Variants in ROR1 observed in about 807,000 individuals in gnomAD.
The protein encoded by ROR1 is inactive tyrosine-protein kinase transmembrane receptor ROR1.
ROR1 carries 19 observed loss-of-function variants against 78.8 expected under a neutral mutation model. That is an observed-to-expected ratio of 0.24 (90% CI 0.17 to 0.35). The LOEUF is 0.35. Among genes scored for constraint, ROR1 ranks in the 10% least tolerant of loss-of-function variants. The pLI is 1.00. For missense variants in ROR1, 917 were observed against 1,177.8 expected (o/e 0.78, Z 3.24); for synonymous variants, 386 against 433.6 (o/e 0.89, Z 1.36).
intron 4 of ROR1, among the ~76,000 whole-genome samples, chr1:64,056,324 C>T (rs901601646): frequency 4.6e-5 from 7 of 151,566 alleles, no homozygotes; most frequent in Non-Finnish European, 1.0e-4. Context: ...TCTCCACATG[C>T]TCTCCAACAC....
intron 2 of ROR1, among the ~76,000 whole-genome samples, chr1:64,033,720 C>G (rs1646679028): frequency 6.6e-6 from 1 of 152,160 alleles, no homozygotes; most frequent in Non-Finnish European, 1.5e-5. Context: ...CTTAAGAACA[C>G]TAACTCATTT....
chr1:63,892,095 A>G (rs1447121656), intron 1 of ROR1, among the ~76,000 whole-genome samples: 2 of 152,216 alleles, frequency 1.3e-5, no homozygotes, highest in African/African-American at 4.8e-5. Flanking sequence ...TTAATTCAAT[A>G]AGCATTCATT....
chr1:64,019,170 A>G (rs1274324239), intron 2 of ROR1, among the ~76,000 whole-genome samples: 1 of 152,206 alleles, frequency 6.6e-6, no homozygotes, highest in African/African-American at 2.4e-5. Context: ...ACTGCTTTAG[A>G]GTTCTTCTAG....
At chr1:64,027,316 C>T (rs576367329) in intron 2 of ROR1, among the ~76,000 whole-genome samples, 12 of 152,196 alleles carry the variant, frequency 7.9e-5, no homozygotes, top group Non-Finnish European at 1.8e-4. Context: ...CTGGAGTGAG[C>T]ACAGAATACT....
At chr1:63,786,940 G>A (rs539334415) in intron 1 of ROR1, among the ~76,000 whole-genome samples, 1 of 152,134 alleles carries the variant, frequency 6.6e-6, no homozygotes, top group African/African-American at 2.4e-5. Flanking sequence ...GAGAAATATG[G>A]CAATATCCTC....
At chr1:64,114,150 G>A (rs1248396915) in intron 4 of ROR1, among the ~76,000 whole-genome samples, 1 of 152,080 alleles carries the variant, frequency 6.6e-6, no homozygotes, top group Non-Finnish European at 1.5e-5. Context: ...AGAGTAGAAA[G>A]CCCAAGCTGA....
intron 1 of ROR1, among the ~76,000 whole-genome samples, chr1:63,785,613 C>T (rs373563542): frequency 6.6e-6 from 1 of 151,912 alleles, no homozygotes; most frequent in Non-Finnish European, 1.5e-5. Context: ...ACTTCTGCCT[C>T]CTGGGTTTTT....
intron 1 of ROR1, among the ~76,000 whole-genome samples, chr1:63,985,971 AAG>A (rs145415786): frequency 1.2e-4 from 19 of 152,258 alleles, no homozygotes; most frequent in African/African-American, 4.3e-4. Flanking sequence ...GGGATGTTAC[AAG>A]GCCTTCAGAA....
At position 63,952,356 on chromosome 1, in the gene ROR1, A is replaced by G. The variant is rs1208129091; in HGVS notation, c.92-56949A>G. 3.2e-4 allele frequency among the ~76,000 whole-genome samples: 48 copies of G among 152,148 alleles called. 1 individual carries two copies. Among genetic ancestry groups the G allele is most frequent in the Admixed American group, 3.1e-3 (48 of 15,282 alleles). ...AGGTGATGGAGGACCTAGGTAAGGA[A>G]TTTGGATTTCATTCTATGAGCTGTG... On this transcript the variant is annotated intron_variant, in intron 1 of 8. Transcript: ENST00000371079.
intron 1 of ROR1, among the ~76,000 whole-genome samples, chr1:63,891,568 C>T (rs566656463): frequency 3.3e-5 from 5 of 152,252 alleles, no homozygotes; most frequent in Admixed American, 6.5e-5. Flanking sequence ...AGCATTATTT[C>T]TGGGTGTGCC....
intron 1 of ROR1, among the ~76,000 whole-genome samples, chr1:63,791,314 G>A (rs1644724564): frequency 6.6e-6 from 1 of 152,116 alleles, no homozygotes; most frequent in Non-Finnish European, 1.5e-5. Flanking sequence ...TAGAGTGCTG[G>A]AGACAGAATC....
chr1:63,779,222 T>G (rs1227534920), intron 1 of ROR1, among the ~76,000 whole-genome samples: 1 of 152,204 alleles, frequency 6.6e-6, no homozygotes, highest in African/African-American at 2.4e-5. Flanking sequence ...ATAAGCTATA[T>G]TTTGATGAAG....
chr1:63,800,529 G>T (rs975660332), intron 1 of ROR1, among the ~76,000 whole-genome samples: 1 of 152,084 alleles, frequency 6.6e-6, no homozygotes, highest in Non-Finnish European at 1.5e-5. Context: ...AGCTGGGGAG[G>T]CAGAAAAGGC....
intron 1 of ROR1, among the ~76,000 whole-genome samples, chr1:63,974,347 GA>G (rs1225036809): frequency 6.6e-6 from 1 of 151,700 alleles, no homozygotes; most frequent in Non-Finnish European, 1.5e-5. Flanking sequence ...AAGCATATGA[GA>G]AAAAAAATAA....
chr1:64,051,274 A>AC (rs1390196447), intron 4 of ROR1, among the ~76,000 whole-genome samples: 1 of 151,490 alleles, frequency 6.6e-6, no homozygotes, highest in African/African-American at 2.4e-5. Context: ...ACATGGTGAA[A>AC]CCCGTCTCTA....
intron 2 of ROR1, chr1:64,028,915 A>G (rs1055070207): frequency 4.6e-5 from 7 of 152,112 alleles, no homozygotes; most frequent in African/African-American, 1.7e-4. Flanking sequence ...ACACTTCATG[A>G]ATTTGCCTGT....
chr1:63,832,391 T>A (rs1644993775), intron 1 of ROR1, among the ~76,000 whole-genome samples: 2 of 152,190 alleles, frequency 1.3e-5, no homozygotes, highest in Admixed American at 1.3e-4. Flanking sequence ...GAGGTTTAAT[T>A]GACTCACAGT....
intron 1 of ROR1, among the ~76,000 whole-genome samples, chr1:63,850,195 A>G (rs1645105905): frequency 6.6e-6 from 1 of 152,230 alleles, no homozygotes. Context: ...TAACCTTGTT[A>G]ATTTAGGAAT....
At chr1:64,154,269 G>A (rs1169181682) in intron 7 of ROR1, among the ~76,000 whole-genome samples, 2 of 152,180 alleles carry the variant, frequency 1.3e-5, no homozygotes, top group Admixed American at 6.5e-5. Context: ...TCGCCTTCCA[G>A]GCATATGCCT....
Sources: allele counts gnomAD v4.1 joint callset (sites outside exome capture counted in the v4.1 genomes callset), GRCh38; gene constraint gnomAD v4.1.1; transcripts MANE v1.5; gene names NCBI Gene and HGNC (gene_info 2026-07-23, HGNC 2026-07-21).